Variants in NELL1 observed in about 807,000 individuals in gnomAD.
NELL1 encodes protein kinase C-binding protein NELL1.
NELL1 carries 76 observed loss-of-function variants against 107.4 expected under a neutral mutation model. The observed-to-expected ratio is 0.71, with a 90% CI of 0.59 to 0.86. NELL1 has a LOEUF of 0.86. NELL1 is among the 40% of genes least tolerant of loss of function. NELL1 has a pLI of 0.00. For missense variants in NELL1, 1,024 were observed against 1,005.5 expected (o/e 1.02, Z -0.25); for synonymous variants, 353 against 341.2 (o/e 1.03, Z -0.38).
intron 11 of NELL1, among the ~76,000 whole-genome samples, chr11:20,948,694 C>G (rs1309029351): frequency 6.8e-6 from 1 of 147,968 alleles, no homozygotes; most frequent in Non-Finnish European, 1.5e-5. Context: ...TCAAGTATCA[C>G]TTCCTCTCTG....
chr11:21,552,045 C>CCAAA (rs1225599099), intron 16 of NELL1, among the ~76,000 whole-genome samples: 1 of 145,098 alleles, frequency 6.9e-6, no homozygotes, highest in Non-Finnish European at 1.5e-5. Flanking sequence ...GAACAAAAAA[C>CCAAA]CAAACACTGC....
At chr11:21,201,789 G>A (rs1266287216) in intron 13 of NELL1, among the ~76,000 whole-genome samples, 1 of 152,108 alleles carries the variant, frequency 6.6e-6, no homozygotes, top group Non-Finnish European at 1.5e-5. Flanking sequence ...TTATTATTTT[G>A]AGATACAGTC....
At chr11:21,340,373 C>G (rs965526855) in intron 14 of NELL1, among the ~76,000 whole-genome samples, 1 of 152,088 alleles carries the variant, frequency 6.6e-6, no homozygotes, top group Non-Finnish European at 1.5e-5. Context: ...AAGATGGTCT[C>G]GATCTCCTGA....
At chr11:20,763,315 C>T (rs777056661) in intron 2 of NELL1, among the ~76,000 whole-genome samples, 1 of 152,132 alleles carries the variant, frequency 6.6e-6, no homozygotes, top group Non-Finnish European at 1.5e-5. Context: ...GGTTGTCCTA[C>T]CCTGGCACTC....
chr11:21,150,881 G>A (rs1234589758), intron 13 of NELL1, among the ~76,000 whole-genome samples: 4 of 152,118 alleles, frequency 2.6e-5, no homozygotes, highest in South Asian at 4.1e-4. Flanking sequence ...TGGTGGGGGA[G>A]TCCTCAGGAG....
At chr11:21,501,264 G>T (rs933084266) in intron 15 of NELL1, among the ~76,000 whole-genome samples, 4 of 152,100 alleles carry the variant, frequency 2.6e-5, no homozygotes, top group African/African-American at 9.7e-5. Flanking sequence ...ACAAGTAACA[G>T]ATATTTGTTC....
At chr11:21,073,255 G>A (rs148847717) in intron 12 of NELL1, among the ~76,000 whole-genome samples, 1,633 of 152,184 alleles carry the variant, frequency 0.011, 14 homozygotes, top group Middle Eastern at 0.027. Flanking sequence ...GATTACTTGG[G>A]ATCCATCTAG....
At chr11:21,086,952 C>T (rs1590623638) in intron 12 of NELL1, among the ~76,000 whole-genome samples, 1 of 151,678 alleles carries the variant, frequency 6.6e-6, no homozygotes, top group African/African-American at 2.4e-5. Flanking sequence ...GATTCTCCTG[C>T]CTCAGCCTCC....
intron 14 of NELL1, among the ~76,000 whole-genome samples, chr11:21,353,561 T>C (rs915967670): frequency 1.3e-5 from 2 of 152,114 alleles, no homozygotes; most frequent in Non-Finnish European, 2.9e-5. Flanking sequence ...GGGCAGCCCA[T>C]GTTGTAGATG....
intron 15 of NELL1, among the ~76,000 whole-genome samples, chr11:21,432,791 T>C (rs571492190): frequency 5.3e-4 from 80 of 152,320 alleles, no homozygotes; most frequent in African/African-American, 1.9e-3. Context: ...GATACATGTA[T>C]ACAATGTGTA....
intron 15 of NELL1, among the ~76,000 whole-genome samples, chr11:21,465,479 G>A (rs1309564592): frequency 1.3e-5 from 2 of 151,992 alleles, no homozygotes; most frequent in African/African-American, 4.8e-5. Context: ...CCTGACAATA[G>A]CATTTGGCAT....
chr11:20,789,789 G>C (rs566833561), intron 3 of NELL1, among the ~76,000 whole-genome samples: 1 of 152,210 alleles, frequency 6.6e-6, no homozygotes, highest in Admixed American at 6.5e-5. Context: ...GCTCCTAATA[G>C]AGAGGAGACC....
intron 14 of NELL1, among the ~76,000 whole-genome samples, chr11:21,290,398 G>GATAAATAGATAGATAA (rs1554995055): frequency 1.4e-5 from 2 of 146,400 alleles, no homozygotes; most frequent in African/African-American, 5.1e-5. Context: ...AAAATAAATA[G>GATAAATAGATAGATAA]ATAAATAAAT....
At chr11:20,864,524 A>G (rs796750325) in intron 4 of NELL1, among the ~76,000 whole-genome samples, 12 of 152,328 alleles carry the variant, frequency 7.9e-5, no homozygotes, top group African/African-American at 2.9e-4. Flanking sequence ...TTGATCAAAG[A>G]GGGGAAAGAG....
Position 20,927,357 on chromosome 11 carries a change from A to C in NELL1, c.809A>C (p.Glu270Ala). 1.9e-6 allele frequency: 3 copies of C among 1,613,262 alleles called. No homozygotes were observed. Among genetic ancestry groups the C allele is most frequent in the Non-Finnish European group, 2.5e-6 (3 of 1,179,642 alleles). ...RLSQLENCHCEKTCQVSGLLY... is the reference protein window; with the variant it reads ...RLSQLENCHCAKTCQVSGLLY... ...AGTCAATTGGAAAACTGTCATTGTG[A>C]GAAGACTTGTCAAGTGAGTGGACTG... The change falls in exon 8 of 20, where the codon GAG becomes GCG. Residue 270 changes from glutamate to alanine, a missense_variant. By Grantham distance (107) the Glu-to-Ala change is moderately radical. Transcript: ENST00000357134.
At chr11:21,261,366 A>G (rs774851562) in intron 14 of NELL1, among the ~76,000 whole-genome samples, 64 of 151,688 alleles carry the variant, frequency 4.2e-4, no homozygotes, top group Non-Finnish European at 5.7e-4. Flanking sequence ...ATCCTTTGAA[A>G]GGCTCCAGTG....
Position 21,507,206 on chromosome 11 carries a change from G to C in NELL1, c.1646-27168G>C, listed in dbSNP as rs76310421. Among the ~76,000 whole-genome samples, 433 of 152,250 alleles carry C rather than the reference G, an allele frequency of 2.8e-3. 14 individuals carry two copies. The East Asian group carries it at 0.072, about 25-fold the overall frequency. On this transcript the variant is annotated intron_variant, in intron 15 of 19. Coordinates refer to ENST00000357134, the MANE Select transcript of NELL1 (RefSeq NM_006157.5). ...TCCTGAACATACTTTGTGTTTCACA[G>C]TTTTTTCTTCTTCATTGAATATCTT...
intron 3 of NELL1, among the ~76,000 whole-genome samples, 158 bp downstream of exon 3, chr11:20,783,988 T>G (rs571097477): frequency 6.6e-6 from 1 of 152,372 alleles, no homozygotes; most frequent in Admixed American, 6.5e-5. Context: ...ATTAAGAATT[T>G]ACTTTGGTCA....
chr11:21,370,917 A>T lies in NELL1; in HGVS notation c.1614A>T (p.Pro538=). ...TCVAPNKCVC[P]SGFTGSHCEK... ...TGGCTCCCAACAAATGTGTCTGTCCATCTGGATTCACAGGAAGCCACTGCG... is the reference window on the plus strand; with the variant it reads ...TGGCTCCCAACAAATGTGTCTGTCCTTCTGGATTCACAGGAAGCCACTGCG... The change falls in exon 15 of 20, where the codon CCA becomes CCT. Residue 538 remains proline, a synonymous_variant. Coordinates refer to ENST00000357134, the MANE Select transcript of NELL1 (RefSeq NM_006157.5). 1.2e-6 allele frequency: 2 copies of T among 1,611,620 alleles called. No individual in the cohort carries two copies. Among genetic ancestry groups the T allele is most frequent in the South Asian group, 2.2e-5 (2 of 90,700 alleles).
Sources: gnomAD v4.1 joint callset for allele counts (sites outside exome capture counted in the v4.1 genomes callset) on GRCh38, gnomAD v4.1.1 for gene constraint, MANE v1.5 for transcripts, NCBI Gene and HGNC (gene_info 2026-07-23, HGNC 2026-07-21) for gene names.